The following GALNT2 variants were observed in gnomAD, a reference collection of about 807,000 sequenced individuals.
GALNT2 encodes UDP-GalNAc:polypeptide N-acetylgalactosaminyltransferase 2.
GALNT2 carries 31 observed loss-of-function variants against 81.4 expected under a neutral mutation model. That is an observed-to-expected ratio of 0.38 (90% CI 0.29 to 0.51). The LOEUF is 0.51. Among genes scored for constraint, GALNT2 ranks in the 20% least tolerant of loss-of-function variants. The pLI, the probability that GALNT2 is intolerant of heterozygous loss-of-function variation, is 0.87. For missense variants in GALNT2, 629 were observed against 765.7 expected (o/e 0.82, Z 2.11); for synonymous variants, 303 against 287.4 (o/e 1.05, Z -0.55).
chr1:230,186,830 C>T (rs1572063099), intron 2 of GALNT2, among the ~76,000 whole-genome samples: 1 of 152,182 alleles, frequency 6.6e-6, no homozygotes, highest in Non-Finnish European at 1.5e-5. Context: ...TGCACAATGT[C>T]TTTTTATTTT....
intron 1 of GALNT2, among the ~76,000 whole-genome samples, chr1:230,080,441 G>C (rs1458185248): frequency 6.6e-6 from 1 of 152,176 alleles, no homozygotes; most frequent in Non-Finnish European, 1.5e-5. Context: ...GTGGTGCTCT[G>C]ACCACTTGCC....
chr1:230,122,687 G>T (rs1356347066), intron 1 of GALNT2, among the ~76,000 whole-genome samples: 3 of 151,976 alleles, frequency 2.0e-5, no homozygotes, highest in Non-Finnish European at 1.5e-5. Context: ...TTCCTTCAGA[G>T]CATTTTAAAG....
In GALNT2 at chr1:230,188,986, G is replaced by A. The variant is rs1479856580; in HGVS notation, c.220+10675G>A. Among the ~76,000 whole-genome samples, 3 of 152,190 alleles carry A rather than the reference G, an allele frequency of 2.0e-5. No homozygotes were observed. The East Asian group carries it at 5.8e-4, about 29-fold the overall frequency. On this transcript the variant is annotated intron_variant, in intron 2 of 15. Coordinates refer to ENST00000366672, the MANE Select transcript of GALNT2 (RefSeq NM_004481.5). ...ACTGGCAAAGGAGCGGGGGCCGGAA[G>A]AGGAGCAGGGGCCAGTAGAGGAGTG...
At chr1:230,256,842 A>G (rs1317423536) in intron 11 of GALNT2, among the ~76,000 whole-genome samples, 2 of 152,176 alleles carry the variant, frequency 1.3e-5, no homozygotes, top group East Asian at 3.9e-4. Flanking sequence ...AATGCTGTGA[A>G]GAAGGTAAGA....
At chr1:230,141,788 C>CTTTTTTTT (rs60824749) in intron 1 of GALNT2, among the ~76,000 whole-genome samples, 11 of 101,330 alleles carry the variant, frequency 1.1e-4, no homozygotes, top group East Asian at 6.7e-4. Context: ...TTTTGTTTTC[C>CTTTTTTTT]TTTTTTTTTT....
chr1:230,082,719 C>T (rs16850868), intron 1 of GALNT2, among the ~76,000 whole-genome samples: 2,900 of 152,360 alleles, frequency 0.019, 47 homozygotes, highest in South Asian at 0.057. Context: ...ATGGAACATA[C>T]GCACTGGAGT....
At chr1:230,227,235 A>G (rs1039511159) in intron 3 of GALNT2, among the ~76,000 whole-genome samples, 47 of 152,210 alleles carry the variant, frequency 3.1e-4, no homozygotes, top group African/African-American at 1.1e-3. Context: ...TTGCCTTCCC[A>G]AAATTTCACA....
chr1:230,200,498 T>G (rs1168155090), intron 2 of GALNT2, among the ~76,000 whole-genome samples: 5 of 152,214 alleles, frequency 3.3e-5, no homozygotes, highest in Admixed American at 2.6e-4. Flanking sequence ...TCACCTAGTA[T>G]GCACCGCAGG....
chr1:230,195,273 G>T (rs1000042004), intron 2 of GALNT2, among the ~76,000 whole-genome samples: 3 of 152,222 alleles, frequency 2.0e-5, no homozygotes, highest in Non-Finnish European at 2.9e-5. Context: ...GCTGTGTTCA[G>T]TGGCAGTTAG....
At chr1:230,107,114 G>C (rs1255474583) in intron 1 of GALNT2, among the ~76,000 whole-genome samples, 1 of 152,178 alleles carries the variant, frequency 6.6e-6, no homozygotes, top group East Asian at 1.9e-4. Context: ...AGCAGGATGA[G>C]TGCTTTTGGA....
chr1:230,159,082 CAG>C (rs924267527), intron 1 of GALNT2, among the ~76,000 whole-genome samples: 2 of 152,206 alleles, frequency 1.3e-5, no homozygotes, highest in African/African-American at 4.8e-5. Context: ...GTGGTTGAAA[CAG>C]AGCATTCAAA....
In GALNT2 at chr1:230,255,343, C is replaced by T. The variant is rs780074971; in HGVS notation, c.1135C>T (p.Arg379Ter). The change falls in exon 11 of 16, where the codon CGA (arginine) becomes TGA (stop). Residue 379 changes from arginine (R) to a stop codon, truncating the protein, a stop_gained and splice_region_variant. Coordinates refer to ENST00000366672, the MANE Select transcript of GALNT2 (RefSeq NM_004481.5). LOFTEE classifies it high-confidence loss of function. Reference protein sequence around the residue: ...FPGGSGTVFARNTRRAAEVWM... With the variant: ...FPGGSGTVFA ...GGGTGGCAGTGGCACTGTCTTTGCCCGGTAAGTAGTGAAAGGCTGAGCGGG... is the reference window on the plus strand; with the variant it reads ...GGGTGGCAGTGGCACTGTCTTTGCCTGGTAAGTAGTGAAAGGCTGAGCGGG... 12 of 1,614,034 alleles carry T rather than the reference C, an allele frequency of 7.4e-6. No individual in the cohort carries two copies. Among genetic ancestry groups the T allele is most frequent in the African/African-American group, 1.3e-5 (1 of 74,920 alleles).
intron 3 of GALNT2, among the ~76,000 whole-genome samples, chr1:230,216,825 C>T (rs1203018962): frequency 1.3e-5 from 2 of 152,006 alleles, no homozygotes; most frequent in African/African-American, 2.4e-5. Flanking sequence ...TTTATAGTAA[C>T]GACTATCTTA....
intron 10 of GALNT2, among the ~76,000 whole-genome samples, chr1:230,254,023 C>T (rs1046703975): frequency 6.6e-6 from 1 of 152,124 alleles, no homozygotes; most frequent in Non-Finnish European, 1.5e-5. Flanking sequence ...TTTTGTCCTG[C>T]CTCCCTAACA....
chr1:230,258,820 C>T (rs1187116862), intron 11 of GALNT2: 1 of 152,172 alleles, frequency 6.6e-6, no homozygotes, highest in Non-Finnish European at 1.5e-5. Flanking sequence ...TTTATATAGA[C>T]ATATCAGACG....
chr1:230,143,594 G>A (rs1178591546), intron 1 of GALNT2, among the ~76,000 whole-genome samples: 3 of 152,170 alleles, frequency 2.0e-5, no homozygotes, highest in Non-Finnish European at 4.4e-5. Context: ...GTCGTCTGTC[G>A]GCCTGAACAC....
At chr1:230,155,985 G>A (rs1662239279) in intron 1 of GALNT2, among the ~76,000 whole-genome samples, 1 of 152,162 alleles carries the variant, frequency 6.6e-6, no homozygotes, top group Admixed American at 6.5e-5. Context: ...CCTGTGTGGT[G>A]GGCTCTGTCT....
At chr1:230,142,075 G>A (rs1479251316) in intron 1 of GALNT2, among the ~76,000 whole-genome samples, 1 of 152,006 alleles carries the variant, frequency 6.6e-6, no homozygotes, top group East Asian at 1.9e-4. Context: ...TTACAGGTTT[G>A]AGCTACCACC....
chr1:230,180,457 T>C (rs903946662), intron 2 of GALNT2, among the ~76,000 whole-genome samples: 2 of 152,144 alleles, frequency 1.3e-5, no homozygotes, highest in Non-Finnish European at 2.9e-5. Flanking sequence ...CTTTATTTGC[T>C]TCCATTGGTC....
Sources: allele counts gnomAD v4.1 joint callset (sites outside exome capture counted in the v4.1 genomes callset), GRCh38; gene constraint gnomAD v4.1.1; transcripts MANE v1.5; gene names NCBI Gene and HGNC (gene_info 2026-07-23, HGNC 2026-07-21).